TRPM3: variants seen among roughly 807,000 people sequenced by gnomAD.
The protein encoded by TRPM3 is transient receptor potential cation channel subfamily M member 3.
Under a neutral mutation model 181.2 loss-of-function variants are expected in TRPM3, and 77 were observed. The observed-to-expected ratio is 0.42, with a 90% CI of 0.35 to 0.51. The LOEUF (loss-of-function observed/expected upper bound fraction) is 0.51. Ranked by LOEUF, TRPM3 falls within the 20% of genes least tolerant of loss-of-function variation. The pLI is 0.01. For synonymous variants in TRPM3, 745 were observed against 796.4 expected, an observed-to-expected ratio of 0.94 and a Z score of 1.09; for missense variants, 1,759 against 2,196.7, an observed-to-expected ratio of 0.80 and a Z score of 3.98.
intron 1 of TRPM3, among the ~76,000 whole-genome samples, chr9:71,050,584 A>T (rs913441583): frequency 2.0e-5 from 3 of 152,234 alleles, no homozygotes; most frequent in African/African-American, 7.2e-5. Flanking sequence ...TCCACAAAAA[A>T]ATAAAATCTT....
At chr9:71,173,212 T>C (rs1031784769) in intron 1 of TRPM3, among the ~76,000 whole-genome samples, 1 of 152,196 alleles carries the variant, frequency 6.6e-6, no homozygotes, top group Non-Finnish European at 1.5e-5. Context: ...ATGTTAATGA[T>C]AAGCATAAAC....
intron 7 of TRPM3, among the ~76,000 whole-genome samples, chr9:70,768,363 C>CT (rs558996890): frequency 2.0e-5 from 3 of 152,094 alleles, no homozygotes; most frequent in East Asian, 3.9e-4. Flanking sequence ...TGGCCAGAGA[C>CT]TTTTTTTTCC....
chr9:71,306,451 T>C (rs1400638553), intron 1 of TRPM3, among the ~76,000 whole-genome samples: 1 of 152,238 alleles, frequency 6.6e-6, no homozygotes, highest in Non-Finnish European at 1.5e-5. Context: ...AATAGACATA[T>C]TCAACATAGA....
At chr9:71,239,200 C>T (rs907041373) in intron 1 of TRPM3, among the ~76,000 whole-genome samples, 4 of 152,076 alleles carry the variant, frequency 2.6e-5, no homozygotes, top group African/African-American at 9.7e-5. Context: ...TATAATTTCC[C>T]AAGCCAAAAT....
chr9:71,084,199 A>G (rs1462734624), intron 1 of TRPM3, among the ~76,000 whole-genome samples: 1 of 152,000 alleles, frequency 6.6e-6, no homozygotes, highest in Non-Finnish European at 1.5e-5. Flanking sequence ...GGCTGATGGT[A>G]GTTGAATAGA....
At chr9:71,203,357 T>C (rs2078921821) in intron 1 of TRPM3, among the ~76,000 whole-genome samples, 5 of 152,218 alleles carry the variant, frequency 3.3e-5, no homozygotes, top group Admixed American at 3.3e-4. Flanking sequence ...ATTAGTGTTG[T>C]CTCTTTTTCC....
intron 6 of TRPM3, among the ~76,000 whole-genome samples, chr9:70,822,974 C>A (rs932050944): frequency 6.6e-6 from 1 of 152,060 alleles, no homozygotes; most frequent in African/African-American, 2.4e-5. Context: ...TGACAATCTA[C>A]CCCAAAACTA....
intron 1 of TRPM3, among the ~76,000 whole-genome samples, chr9:71,267,981 A>G (rs1023942290): frequency 2.0e-5 from 3 of 152,214 alleles, no homozygotes; most frequent in African/African-American, 7.2e-5. Context: ...GTTGCTTCCT[A>G]TTCTTCAAAG....
chr9:70,606,358 C>T (rs565340258), intron 19 of TRPM3, among the ~76,000 whole-genome samples: 1 of 152,046 alleles, frequency 6.6e-6, no homozygotes, highest in Non-Finnish European at 1.5e-5. Context: ...TTTTAAATTG[C>T]CCTCATTATT....
At chr9:70,921,918 TAC>T (rs10651774) in intron 1 of TRPM3, among the ~76,000 whole-genome samples, 16 of 140,210 alleles carry the variant, frequency 1.1e-4, no homozygotes, top group Middle Eastern at 3.6e-3. Flanking sequence ...GCAGCCACTA[TAC>T]ACACACACAC....
At chr9:71,101,266 A>T (rs918692091) in intron 1 of TRPM3, among the ~76,000 whole-genome samples, 1 of 151,966 alleles carries the variant, frequency 6.6e-6, no homozygotes, top group Admixed American at 6.6e-5. Context: ...ATGGTTGTGG[A>T]TTTTTTTTCC....
rs1014123351 is a variant in TRPM3 at position 71,263,551 on chromosome 9, G to A, written c.183+183102C>T. Among the ~76,000 whole-genome samples the A allele has an allele frequency of 3.9e-5, 6 of 152,074 alleles. No individual in the cohort carries two copies. The South Asian group carries it at 1.2e-3, about 32-fold the overall frequency. On this transcript the variant is annotated intron_variant, in intron 1 of 24. Transcript: ENST00000357533. ...GTGTCAGTTAACACTGTATATGTTT[G>A]CAGGCAAACATTTCTTAGTCATGAG...
intron 1 of TRPM3, among the ~76,000 whole-genome samples, chr9:71,146,496 C>A (rs796967385): frequency 7.2e-5 from 11 of 152,256 alleles, no homozygotes; most frequent in African/African-American, 2.6e-4. Flanking sequence ...GAATACATTT[C>A]TTTTCTGTCA....
At chr9:71,255,426 A>T (rs1332496779) in intron 1 of TRPM3, among the ~76,000 whole-genome samples, 2 of 152,128 alleles carry the variant, frequency 1.3e-5, no homozygotes, top group Middle Eastern at 3.2e-3. Context: ...GCATCCCACC[A>T]TCCTGCCCAC....
At chr9:71,372,739 G>A (rs943341561) in intron 1 of TRPM3, among the ~76,000 whole-genome samples, 3 of 151,980 alleles carry the variant, frequency 2.0e-5, no homozygotes, top group Non-Finnish European at 4.4e-5. Flanking sequence ...AATGTAAATG[G>A]GCTAAATACC....
chr9:70,535,720 G>T lies in TRPM3; in HGVS notation c.*233C>A. ...CCTTCTCCCTCTCTTCCCCCTCCCT[G>T]CCCAGCAAGTGTGAACATGCCTTAA... On this transcript the variant is annotated 3_prime_UTR_variant, in exon 26 of 26. Coordinates refer to ENST00000677713, the MANE Select transcript of TRPM3 (RefSeq NM_001366145.2). The T allele has an allele frequency of 7.0e-7, 1 of 1,436,032 alleles. No individual in the cohort carries two copies. The allele number at this position is 1,436,032 out of a possible 1,614,324, so 89.0% of individuals were successfully genotyped here.
At chr9:71,310,615 G>A (rs1194344728) in intron 1 of TRPM3, among the ~76,000 whole-genome samples, 4 of 152,186 alleles carry the variant, frequency 2.6e-5, no homozygotes, top group Middle Eastern at 3.4e-3. Context: ...CTCACCCAAG[G>A]GGGGTGTCTT....
intron 1 of TRPM3, among the ~76,000 whole-genome samples, chr9:70,888,775 T>C (rs2132809490): frequency 6.6e-6 from 1 of 152,302 alleles, no homozygotes; most frequent in African/African-American, 2.4e-5. Context: ...TCAAGCCGAC[T>C]TTTGCCTAAG....
chr9:71,218,817 T>C (rs1489159268), intron 1 of TRPM3, among the ~76,000 whole-genome samples: 1 of 152,238 alleles, frequency 6.6e-6, no homozygotes, highest in Non-Finnish European at 1.5e-5. Context: ...CGGGCCTTTG[T>C]GTTTACAGAT....
Sources: allele counts gnomAD v4.1 joint callset (sites outside exome capture counted in the v4.1 genomes callset), GRCh38; gene constraint gnomAD v4.1.1; transcripts MANE v1.5; gene names NCBI Gene and HGNC (gene_info 2026-07-23, HGNC 2026-07-21).